ZNF771: variants seen among roughly 807,000 people sequenced by gnomAD.
ZNF771 encodes mesenchymal stem cell protein DSC43.
A neutral mutation model predicts 27.6 loss-of-function variants in ZNF771; 10 were observed. That is an observed-to-expected ratio of 0.36 (90% confidence interval 0.22 to 0.61). The LOEUF (loss-of-function observed/expected upper bound fraction) is 0.61, where lower values mean the gene tolerates loss of function less well. Among genes scored for constraint, ZNF771 ranks in the 20% least tolerant of loss-of-function variants. ZNF771 has a pLI of 0.70. For missense variants in ZNF771, 438 were observed against 503.7 expected, an observed-to-expected ratio of 0.87 and a Z score of 1.25; for synonymous variants, 261 against 225.2, an observed-to-expected ratio of 1.16 and a Z score of -1.43.
At chr16:30,409,542 A>G (rs2050093252) in intron 2 of ZNF771, among the ~76,000 whole-genome samples, 1 of 151,686 alleles carries the variant, frequency 6.6e-6, no homozygotes, top group Non-Finnish European at 1.5e-5. Context: ...AGCAGCCCTG[A>G]GTACCAGCAG....
Position 30,418,247 on chromosome 16 carries a change from A to G in ZNF771, c.834A>G (p.Arg278=). 1 of 1,514,448 alleles carries G rather than the reference A, an allele frequency of 6.6e-7. No individual in the cohort carries two copies. Among genetic ancestry groups the G allele is most frequent in the South Asian group, 1.2e-5 (1 of 81,496 alleles). 93.8% of individuals were successfully genotyped at this position (1,514,448 alleles called of 1,614,324 possible). A position where few individuals can be genotyped will look rare whatever the true frequency, so the allele number is the denominator to read the frequency against. Residue 278 remains arginine, a synonymous_variant, in exon 3 of 3, where the codon CGA becomes CGG. Transcript: ENST00000319296. ...TAAGCTCGCACTTCATTCGCCACCG[A>G]CGCGCGCACATGCGGCGCCGCCTGT... The part of the protein sequence containing the change: ...FRLSSHFIRH[R]RAHMRRRLYI...
Position 30,418,067 on chromosome 16 carries a change from G to C in ZNF771, c.654G>C (p.Leu218=). ...CGCGCTTCGCTCAGAGCTCGGCGCT[G>C]GCCAAGCACCGGCGCGTGCACACGG... is the stretch of plus-strand genomic sequence containing the variant. ...CGTRFAQSSA[L]AKHRRVHTGE... is the part of the protein sequence containing the mutation. The change falls in exon 3 of 3, where the codon CTG becomes CTC. Residue 218 remains leucine (L), a synonymous_variant. Transcript: ENST00000319296. 6.8e-7 allele frequency: 1 copy of C among 1,471,772 alleles called. No homozygotes were observed. The highest frequency in any genetic ancestry group is 1.3e-5 in the South Asian group (1 of 76,332). 91.2% of individuals were successfully genotyped at this position (1,471,772 alleles called of 1,614,324 possible).
At position 30,418,283 on chromosome 16, in the gene ZNF771, C is replaced by T; in HGVS notation, c.870C>T (p.Ala290=). The part of the protein sequence containing the change: ...AHMRRRLYIC[A]GCGRDFKLPP... ...TGCGGCGCCGCCTGTATATTTGCGCCGGCTGCGGCAGGGACTTCAAGCTGC... is the reference window on the plus strand; with the variant it reads ...TGCGGCGCCGCCTGTATATTTGCGCTGGCTGCGGCAGGGACTTCAAGCTGC... The change falls in exon 3 of 3, where the codon GCC becomes GCT. Residue 290 remains alanine (A), a synonymous_variant. Transcript: ENST00000319296. 6.6e-7 allele frequency: 1 copy of T among 1,508,354 alleles called. No individual in the cohort carries two copies. The highest frequency in any genetic ancestry group is 8.8e-7 in the Non-Finnish European group (1 of 1,134,730). 93.4% of individuals were successfully genotyped at this position (1,508,354 alleles called of 1,614,324 possible). A position where few individuals can be genotyped will look rare whatever the true frequency, so the allele number is the denominator to read the frequency against.
intron 2 of ZNF771, among the ~76,000 whole-genome samples, chr16:30,416,378 C>G (rs1017082536): frequency 2.6e-5 from 4 of 152,174 alleles, no homozygotes; most frequent in African/African-American, 9.7e-5. Flanking sequence ...CAGATCTCCC[C>G]TCTCAACTTG....
Position 30,417,906 on chromosome 16 carries a change from C to T in ZNF771, c.493C>T (p.His165Tyr). Residue 165 changes from histidine (H) to tyrosine (Y), a missense_variant, in exon 3 of 3, where the codon CAC becomes TAC. Transcript: ENST00000319296. ...CGCGCAGAGCTCCAACTACGCACAG[C>T]ACCTGCGCGTGCACACGGGCGAGAA... ...RFAQSSNYAQ[H>Y]LRVHTGEKPY... The T allele has an allele frequency of 6.6e-7, 1 of 1,520,390 alleles. No homozygotes were observed. 94.2% of individuals were successfully genotyped at this position (1,520,390 alleles called of 1,614,324 possible). A position where few individuals can be genotyped will look rare whatever the true frequency, so the allele number is the denominator to read the frequency against.
At position 30,419,247 on chromosome 16, in the gene ZNF771, ACAACAAACCAAAC is replaced by A. The variant is rs545887040; in HGVS notation, c.*884_*896del. 6,635 of 136,724 alleles carry A rather than the reference ACAACAAACCAAAC, an allele frequency of 0.049. 225 individuals carry two copies. The highest frequency in any genetic ancestry group is 0.077 in the Non-Finnish European group (4,775 of 61,652). The allele number at this position is 136,724 out of a possible 1,614,324, so 8.5% of individuals were successfully genotyped here. On this transcript the variant is annotated 3_prime_UTR_variant, in exon 3 of 3. Transcript: ENST00000319296. ...GAAGACTGCCTCAAACAAACAAAAA[ACAACAAACCAAAC>A]CAAACCAAACCAAAAAAATCTCAAA...
intron 2 of ZNF771, among the ~76,000 whole-genome samples, chr16:30,411,699 C>T (rs558472019): frequency 6.6e-6 from 1 of 152,276 alleles, no homozygotes; most frequent in East Asian, 1.9e-4. Flanking sequence ...GGATTATGCA[C>T]ACATATCCCA....
rs2050140534 is a variant in ZNF771 at position 30,417,543 on chromosome 16, C to T, written c.142-12C>T. 8.2e-7 allele frequency: 1 copy of T among 1,216,380 alleles called. No individual in the cohort carries two copies. The highest frequency in any genetic ancestry group is 1.0e-6 in the Non-Finnish European group (1 of 979,202). 75.3% of individuals were successfully genotyped at this position (1,216,380 alleles called of 1,614,324 possible). A position where few individuals can be genotyped will look rare whatever the true frequency, so the allele number is the denominator to read the frequency against. ...TGCCGCTAAGGGCTGACCTATCCCC[C>T]TCTCCCCGCAGGTCCCGGGCGAGGC... On this transcript the variant is annotated splice_polypyrimidine_tract_variant and intron_variant, in intron 2 of 2. Transcript: ENST00000319296.
rs1487120929 is a variant in ZNF771 at position 30,418,178 on chromosome 16, C to G, written c.765C>G (p.Gly255=). The change falls in exon 3 of 3, where the codon GGC becomes GGG. Residue 255 remains glycine, a synonymous_variant. Transcript: ENST00000319296. ...CGGAGCACGCGCGCACGCACACAGG[C>G]GAGCGGCCCTACCCCTGCGCCGAGT... ...NLAEHARTHT[G]ERPYPCAECG... 2 of 1,488,614 alleles carry G rather than the reference C, an allele frequency of 1.3e-6. No homozygotes were observed. Among genetic ancestry groups the G allele is most frequent in the Non-Finnish European group, 1.8e-6 (2 of 1,125,736 alleles). 92.2% of individuals were successfully genotyped at this position (1,488,614 alleles called of 1,614,324 possible). A position where few individuals can be genotyped will look rare whatever the true frequency, so the allele number is the denominator to read the frequency against.
chr16:30,414,299 T>C (rs895845169), intron 2 of ZNF771: 4 of 152,208 alleles, frequency 2.6e-5, no homozygotes, highest in Non-Finnish European at 4.4e-5. Flanking sequence ...ATTTTAACCT[T>C]GAATCCCTCT....
Position 30,408,099 on chromosome 16 carries a change from C to T in ZNF771, c.46C>T (p.Gln16Ter). The part of the protein sequence containing the change: ...QAEEEEEEEM[Q>*]EEMVLLVKGE... ...AGAGGAAGAGGAGGAGGAAGAGATG[C>T]AGGAGGAGATGGTGCTGCTGGTGAA... Residue 16 changes from glutamine (Q) to a stop codon, truncating the protein, a stop_gained, in exon 2 of 3, where the codon CAG (glutamine) becomes TAG (stop). Transcript: ENST00000319296. LOFTEE classifies it high-confidence loss of function. The T allele has an allele frequency of 6.2e-7, 1 of 1,606,964 alleles. No homozygotes were observed. The highest frequency in any genetic ancestry group is 8.5e-7 in the Non-Finnish European group (1 of 1,175,104).
intron 2 of ZNF771, among the ~76,000 whole-genome samples, chr16:30,417,104 C>T (rs906390084): frequency 1.3e-5 from 2 of 152,204 alleles, no homozygotes; most frequent in East Asian, 3.8e-4. Context: ...TGCAGTGCTC[C>T]TCAGAGGGCT....
In ZNF771 at chr16:30,413,872, T is replaced by TA. The variant is rs1312396623; in HGVS notation, c.142-3682dup. On this transcript the variant is annotated intron_variant, in intron 2 of 2. Coordinates refer to ENST00000319296, the MANE Select transcript of ZNF771 (RefSeq NM_001142305.2). ...GTGTGAGTCACTGCACCTGGCCTCA[T>TA]ACTGGGAATTTGATCTCACTTAGCC... The TA allele has an allele frequency of 5.7e-5, 9 of 158,178 alleles. No homozygotes were observed. In the Admixed American group the frequency reaches 5.8e-4, roughly 10 times the overall value. 9.8% of individuals were successfully genotyped at this position (158,178 alleles called of 1,614,324 possible). A position where few individuals can be genotyped will look rare whatever the true frequency, so the allele number is the denominator to read the frequency against.
At chr16:30,411,863 A>C (rs992781197) in intron 2 of ZNF771, among the ~76,000 whole-genome samples, 1 of 152,188 alleles carries the variant, frequency 6.6e-6, no homozygotes. Flanking sequence ...TCCTGTGGCC[A>C]GTCACTGTCC....
At chr16:30,409,138 C>T (rs1003666556) in intron 2 of ZNF771, among the ~76,000 whole-genome samples, 26 of 151,950 alleles carry the variant, frequency 1.7e-4, no homozygotes, top group African/African-American at 6.3e-4. Context: ...CCACGCCCGG[C>T]TAATTTTTTG....
intron 2 of ZNF771, among the ~76,000 whole-genome samples, chr16:30,410,323 G>A (rs375990348): frequency 6.6e-5 from 10 of 151,988 alleles, no homozygotes; most frequent in East Asian, 1.9e-4. Flanking sequence ...GGCTGGTCTC[G>A]AACTCCTGAC....
chr16:30,413,762 T>C (rs2050118480), intron 2 of ZNF771: 1 of 222,358 alleles, frequency 4.5e-6, no homozygotes, highest in South Asian at 5.0e-5. Context: ...AGAGACGAGG[T>C]CTAACTGTGT....
At chr16:30,407,927 C>A in intron 1 of ZNF771, 118 bp from the exon 2 acceptor site, 1 of 655,448 alleles carries the variant, frequency 1.5e-6, no homozygotes, top group Non-Finnish European at 2.5e-6. Flanking sequence ...GATTCGGAGA[C>A]CAGGGCAGGG....
intron 2 of ZNF771, 50 bp downstream of exon 2, chr16:30,408,244 G>A: frequency 1.9e-6 from 3 of 1,611,972 alleles, no homozygotes; most frequent in Non-Finnish European, 2.5e-6. Context: ...CCTGGTCCAG[G>A]CCCAGCCTCC....
Sources: allele counts gnomAD v4.1 joint callset (sites outside exome capture counted in the v4.1 genomes callset), GRCh38; gene constraint gnomAD v4.1.1; transcripts MANE v1.5; gene names NCBI Gene and HGNC (gene_info 2026-07-23, HGNC 2026-07-21).